ASIC2: variants seen among roughly 807,000 people sequenced by gnomAD.
ASIC2 encodes the protein acid sensing ion channel subunit 2.
A neutral mutation model predicts 57.3 loss-of-function variants in ASIC2; 25 were observed. The ratio of observed to expected loss-of-function variants is 0.44; its 90% CI spans 0.32 to 0.61. The LOEUF is 0.61. Ranked by LOEUF, ASIC2 falls within the 20% of genes least tolerant of loss-of-function variation. The pLI, the probability that ASIC2 is intolerant of heterozygous loss-of-function variation, is 0.06. For synonymous variants in ASIC2, 319 were observed against 307.5 expected (o/e 1.04, Z -0.39); for missense variants, 641 against 738.1 (o/e 0.87, Z 1.52).
At chr17:33,367,359 C>T (rs1908851764) in intron 1 of ASIC2, among the ~76,000 whole-genome samples, 1 of 152,116 alleles carries the variant, frequency 6.6e-6, no homozygotes, top group South Asian at 2.1e-4. Flanking sequence ...TGCTCAAGTG[C>T]TGGTGGCACT....
intron 1 of ASIC2, among the ~76,000 whole-genome samples, chr17:33,132,098 C>A (rs1044896431): frequency 6.6e-6 from 1 of 152,194 alleles, no homozygotes; most frequent in Non-Finnish European, 1.5e-5. Context: ...GTCTGCCTAG[C>A]CTGACCTGGG....
intron 1 of ASIC2, among the ~76,000 whole-genome samples, chr17:33,941,927 T>A (rs1916200382): frequency 6.6e-6 from 1 of 152,128 alleles, no homozygotes; most frequent in Non-Finnish European, 1.5e-5. Context: ...CCGGGGCAAC[T>A]CAGGCTAGGA....
intron 1 of ASIC2, chr17:34,079,056 ATCATGG>A (rs937924904): frequency 3.3e-5 from 5 of 152,122 alleles, no homozygotes; most frequent in African/African-American, 1.2e-4. Context: ...GACTCTTGCA[ATCATGG>A]TCTAACTGCT....
intron 3 of ASIC2, among the ~76,000 whole-genome samples, chr17:33,038,046 C>T (rs1309760413): frequency 2.0e-5 from 3 of 152,138 alleles, no homozygotes; most frequent in Admixed American, 6.5e-5. Flanking sequence ...TGAGAGATAG[C>T]AGAATGACCC....
chr17:33,740,942 C>T (rs1012349791), intron 1 of ASIC2, among the ~76,000 whole-genome samples: 9 of 152,308 alleles, frequency 5.9e-5, no homozygotes, highest in African/African-American at 2.2e-4. Context: ...AATTCACATT[C>T]TGCTGTTTGA....
At chr17:33,186,530 A>G (rs1013882564) in intron 1 of ASIC2, among the ~76,000 whole-genome samples, 1 of 152,202 alleles carries the variant, frequency 6.6e-6, no homozygotes, top group African/African-American at 2.4e-5. Flanking sequence ...AGTAAATTCG[A>G]GAGATTTTCT....
chr17:33,616,912 C>A (rs1905622964), intron 1 of ASIC2, among the ~76,000 whole-genome samples: 1 of 152,230 alleles, frequency 6.6e-6, no homozygotes, highest in African/African-American at 2.4e-5. Context: ...TACTAGCTTT[C>A]TTGTGATTTC....
chr17:33,238,180 G>T (rs916312850), intron 1 of ASIC2, among the ~76,000 whole-genome samples: 1 of 152,178 alleles, frequency 6.6e-6, no homozygotes, highest in Admixed American at 6.5e-5. Flanking sequence ...CTGAAGTCAC[G>T]TGCTGGTGAA....
intron 1 of ASIC2, among the ~76,000 whole-genome samples, chr17:33,768,764 G>A (rs1348572265): frequency 1.3e-5 from 2 of 152,008 alleles, no homozygotes; most frequent in Non-Finnish European, 2.9e-5. Context: ...ACTGCCTAAG[G>A]CCCACCCTTC....
rs988605502 is a variant in ASIC2, at chr17:33,056,845, C to T, written c.988-28453G>A. ...GCCACCCAGGGTTTCCTTCTGAAGC[C>T]AGAGAGGGGTTCACATATGCTGTCA... On this transcript the variant is annotated intron_variant, in intron 3 of 9. Coordinates refer to ENST00000225823, the MANE Select transcript of ASIC2 (RefSeq NM_183377.2). Among the ~76,000 whole-genome samples, 8 of 152,288 alleles carry T rather than the reference C, an allele frequency of 5.3e-5. No individual in the cohort carries two copies. In the East Asian group the frequency reaches 1.5e-3, roughly 29 times the overall value.
At chr17:34,119,309 A>T (rs976049155) in intron 1 of ASIC2, among the ~76,000 whole-genome samples, 1 of 151,992 alleles carries the variant, frequency 6.6e-6, no homozygotes, top group Non-Finnish European at 1.5e-5. Flanking sequence ...TCCTTACCTG[A>T]AAAAGGGGAA....
intron 3 of ASIC2, among the ~76,000 whole-genome samples, chr17:33,048,057 C>T (rs887986342): frequency 1.3e-5 from 2 of 152,088 alleles, no homozygotes; most frequent in African/African-American, 4.8e-5. Context: ...AGGTTGGAGT[C>T]CCTGGTGTCT....
chr17:33,121,729 G>A (rs1460927071), intron 1 of ASIC2, among the ~76,000 whole-genome samples: 4 of 152,050 alleles, frequency 2.6e-5, no homozygotes, highest in African/African-American at 7.2e-5. Flanking sequence ...AACACTGACC[G>A]TGGAGTCAGA....
At chr17:33,112,167 T>A in intron 1 of ASIC2, 100 bp from the exon 2 acceptor site, 3 of 1,373,256 alleles carry the variant, frequency 2.2e-6, no homozygotes, top group South Asian at 2.9e-5. Context: ...CAGGTCAGAG[T>A]CCCCACAGCC....
intron 1 of ASIC2, among the ~76,000 whole-genome samples, chr17:33,632,614 G>T (rs1906210610): frequency 6.6e-6 from 1 of 151,954 alleles, no homozygotes. Context: ...TTTACTTATT[G>T]GTAGAGATGG....
At chr17:33,683,993 C>A (rs1421162875) in intron 1 of ASIC2, among the ~76,000 whole-genome samples, 1 of 152,146 alleles carries the variant, frequency 6.6e-6, no homozygotes. Context: ...ACGATTTAAC[C>A]CAATAACAGT....
chr17:34,065,261 C>T (rs1909128223), intron 1 of ASIC2, among the ~76,000 whole-genome samples: 1 of 152,028 alleles, frequency 6.6e-6, no homozygotes, highest in Non-Finnish European at 1.5e-5. Flanking sequence ...TTATTCTAGG[C>T]GAAGTAACTC....
intron 1 of ASIC2, among the ~76,000 whole-genome samples, chr17:34,150,247 G>A (rs866221592): frequency 4.3e-4 from 66 of 152,226 alleles, no homozygotes; most frequent in African/African-American, 1.5e-3. Context: ...GTGGCAGGGT[G>A]GATAGGTGAG....
chr17:34,136,336 T>A (rs1342530560), intron 1 of ASIC2, among the ~76,000 whole-genome samples: 2 of 152,226 alleles, frequency 1.3e-5, no homozygotes, highest in Non-Finnish European at 2.9e-5. Flanking sequence ...CCCTTTCCCC[T>A]TCCACATATC....
Sources: gnomAD v4.1 joint callset for allele counts (sites outside exome capture counted in the v4.1 genomes callset) on GRCh38, gnomAD v4.1.1 for gene constraint, MANE v1.5 for transcripts, NCBI Gene and HGNC (gene_info 2026-07-23, HGNC 2026-07-21) for gene names.